The following GRM1 variants were observed in gnomAD, a reference collection of about 807,000 sequenced individuals.
The protein encoded by GRM1 is metabotropic glutamate receptor 1.
A neutral mutation model predicts 90.9 loss-of-function variants in GRM1; 33 were observed. The ratio of observed to expected loss-of-function variants is 0.36; its 90% CI spans 0.28 to 0.49. The LOEUF (loss-of-function observed/expected upper bound fraction) is 0.49. GRM1 is among the 20% of genes least tolerant of loss of function. The pLI, the probability that GRM1 is intolerant of heterozygous loss-of-function variation, is 0.99. For missense variants in GRM1, 1,190 were observed against 1,534.3 expected, an observed-to-expected ratio of 0.78 and a Z score of 3.75; for synonymous variants, 700 against 613.2, an observed-to-expected ratio of 1.14 and a Z score of -2.09.
Position 146,346,895 on chromosome 6 carries a change from A to G in GRM1, c.1187-5355A>G, listed in dbSNP as rs564882040. On this transcript the variant is annotated intron_variant, in intron 3 of 7. Transcript: ENST00000282753. ...GCTACAAATGTCGAGAAATCAGAAG[A>G]ATATTTTCTCCAGGGGGAGTCACAT... is the stretch of plus-strand genomic sequence containing the variant. Among the ~76,000 whole-genome samples the G allele has an allele frequency of 9.8e-5, 15 of 152,332 alleles. No homozygotes were observed. The East Asian group carries it at 1.2e-3, about 12-fold the overall frequency.
chr6:146,145,773 A>G (rs1300796960), intron 1 of GRM1, among the ~76,000 whole-genome samples: 1 of 152,212 alleles, frequency 6.6e-6, no homozygotes. Flanking sequence ...CACTAGGGCA[A>G]TGCCCATTGG....
chr6:146,324,687 G>C (rs1255066275), intron 3 of GRM1, among the ~76,000 whole-genome samples: 3 of 151,984 alleles, frequency 2.0e-5, no homozygotes, highest in Admixed American at 2.0e-4. Context: ...GGAGTTCCCT[G>C]ACCCTTTGCG....
intron 6 of GRM1, among the ~76,000 whole-genome samples, chr6:146,392,243 C>A (rs1776752797): frequency 6.6e-6 from 1 of 152,116 alleles, no homozygotes; most frequent in South Asian, 2.1e-4. Context: ...TCTGCCCTAG[C>A]TAACCCAAAG....
intron 2 of GRM1, among the ~76,000 whole-genome samples, chr6:146,230,007 T>C (rs1780389313): frequency 6.6e-6 from 1 of 152,174 alleles, no homozygotes. Flanking sequence ...CAAGGCAACA[T>C]GTCAGTTGCT....
In GRM1 at chr6:146,115,597, A is replaced by G. The variant is rs188030103; in HGVS notation, c.701-43751A>G. Among the ~76,000 whole-genome samples the G allele has an allele frequency of 1.8e-3, 278 of 152,330 alleles. 1 individual carries two copies. The highest frequency in any genetic ancestry group is 2.2e-3 in the Non-Finnish European group (149 of 68,030). ...GTTTTAACAACTCTATACCTTAATT[A>G]CATAAATATATAATTTTTTAATACC... On this transcript the variant is annotated intron_variant, in intron 1 of 7. Coordinates refer to ENST00000282753, the MANE Select transcript of GRM1 (RefSeq NM_001278064.2).
At chr6:146,283,667 CT>C (rs1562580984) in intron 2 of GRM1, among the ~76,000 whole-genome samples, 1 of 152,116 alleles carries the variant, frequency 6.6e-6, no homozygotes, top group Non-Finnish European at 1.5e-5. Context: ...GTTCCAGGAG[CT>C]CATCATTGAC....
At chr6:146,220,502 T>G (rs1052781104) in intron 2 of GRM1, among the ~76,000 whole-genome samples, 3 of 152,176 alleles carry the variant, frequency 2.0e-5, no homozygotes, top group Non-Finnish European at 4.4e-5. Context: ...GAATTTAATG[T>G]CATGTTTTAC....
chr6:146,249,334 G>GA (rs1032859913), intron 2 of GRM1, among the ~76,000 whole-genome samples: 7 of 152,096 alleles, frequency 4.6e-5, no homozygotes, highest in African/African-American at 1.4e-4. Flanking sequence ...GTCTAGGAGG[G>GA]AAAAATGGCT....
intron 2 of GRM1, among the ~76,000 whole-genome samples, chr6:146,285,970 G>A (rs1782753733): frequency 6.6e-6 from 1 of 152,148 alleles, no homozygotes; most frequent in African/African-American, 2.4e-5. Context: ...CCTATAGGAA[G>A]TTATTTTTTT....
chr6:146,332,723 T>C (rs1387179148), intron 3 of GRM1, among the ~76,000 whole-genome samples: 1 of 152,216 alleles, frequency 6.6e-6, no homozygotes. Context: ...GGTGTGGACA[T>C]CTGTAGGGGG....
chr6:146,041,891 G>T (rs1048056807), intron 1 of GRM1, among the ~76,000 whole-genome samples: 3 of 151,944 alleles, frequency 2.0e-5, no homozygotes, highest in Admixed American at 6.6e-5. Flanking sequence ...TTCTCTCACA[G>T]TTTTGGAGAA....
rs573405351 is a variant in GRM1, at chr6:146,434,031, T to C, written c.2820T>C (p.Ser940=). 4 of 1,614,214 alleles carry C rather than the reference T, an allele frequency of 2.5e-6. No homozygotes were observed. The Admixed American group carries it at 6.7e-5, about 27-fold the overall frequency. Residue 940 remains serine (S), a synonymous_variant, in exon 8 of 8, where the codon TCT becomes TCC. Transcript: ENST00000282753. The part of the protein sequence containing the change: ...IKPLTKSYQG[S]GKSLTFSDTS... ...CCCTCACTAAAAGTTACCAAGGCTC[T>C]GGCAAGAGCCTGACCTTTTCAGATA...
chr6:146,057,887 T>C (rs1775534410), intron 1 of GRM1, among the ~76,000 whole-genome samples: 1 of 152,130 alleles, frequency 6.6e-6, no homozygotes, highest in Non-Finnish European at 1.5e-5. Context: ...TTTATTTTCA[T>C]TGGGTTTTGG....
chr6:146,269,083 C>A (rs1246466041), intron 2 of GRM1, among the ~76,000 whole-genome samples: 4 of 152,144 alleles, frequency 2.6e-5, no homozygotes, highest in African/African-American at 9.7e-5. Flanking sequence ...GAAAAACCAA[C>A]AACATATGTA....
At chr6:146,248,163 C>T (rs1479774592) in intron 2 of GRM1, among the ~76,000 whole-genome samples, 1 of 152,012 alleles carries the variant, frequency 6.6e-6, no homozygotes, top group African/African-American at 2.4e-5. Context: ...TTCTTTCGTT[C>T]CTACAGAAGC....
chr6:146,128,444 T>C (rs541872079), intron 1 of GRM1, among the ~76,000 whole-genome samples: 6 of 152,282 alleles, frequency 3.9e-5, no homozygotes, highest in Admixed American at 3.3e-4. Context: ...ATCTCTATTT[T>C]TGAGATAAGA....
chr6:146,332,514 G>C (rs1297574472), intron 3 of GRM1, among the ~76,000 whole-genome samples: 1 of 152,152 alleles, frequency 6.6e-6, no homozygotes, highest in East Asian at 1.9e-4. Flanking sequence ...AGTCCCTCCT[G>C]TGCTTCCAAT....
intron 7 of GRM1, among the ~76,000 whole-genome samples, chr6:146,428,793 A>G (rs983923361): frequency 2.3e-4 from 35 of 152,212 alleles, no homozygotes; most frequent in Admixed American, 2.0e-3. Context: ...AGGTTGAACT[A>G]AAGACCATTC....
intron 2 of GRM1, among the ~76,000 whole-genome samples, chr6:146,256,907 T>C (rs1583230715): frequency 1.3e-5 from 2 of 152,178 alleles, no homozygotes; most frequent in South Asian, 4.1e-4. Flanking sequence ...GGCCCTCTAC[T>C]GCAACGTCTA....
Sources: allele counts gnomAD v4.1 joint callset (sites outside exome capture counted in the v4.1 genomes callset), GRCh38; gene constraint gnomAD v4.1.1; transcripts MANE v1.5; gene names NCBI Gene and HGNC (gene_info 2026-07-23, HGNC 2026-07-21).